The following DPY19L1 variants were observed in gnomAD, a reference collection of about 807,000 sequenced individuals.
DPY19L1 encodes dpy-19 like C-mannosyltransferase 1, also known as protein C-mannosyl-transferase DPY19L1.
In DPY19L1, 35 loss-of-function variants were observed where a neutral mutation model predicts 96.9. The observed-to-expected ratio is 0.36, with a 90% CI of 0.28 to 0.48. The LOEUF (loss-of-function observed/expected upper bound fraction) is 0.48. Ranked by LOEUF, DPY19L1 falls within the 20% of genes least tolerant of loss-of-function variation. The probability of loss-of-function intolerance (pLI) is 0.99; values close to 1 mark genes in which losing one functional copy is unlikely to be tolerated. For missense variants in DPY19L1, 521 were observed against 777.9 expected (o/e 0.67, Z 3.93); for synonymous variants, 205 against 252.6 (o/e 0.81, Z 1.79).
Position 34,940,164 on chromosome 7 carries a change from C to G in DPY19L1, c.1853G>C (p.Ser618Thr), listed in dbSNP as rs772396822. The G allele has an allele frequency of 2.6e-6, 4 of 1,515,334 alleles. No homozygotes were observed. In the Admixed American group the frequency reaches 8.4e-5, roughly 32 times the overall value. 93.9% of individuals were successfully genotyped at this position (1,515,334 alleles called of 1,614,324 possible). A position where few individuals can be genotyped will look rare whatever the true frequency, so the allele number is the denominator to read the frequency against. The part of the protein sequence containing the change: ...QEELIEWIKY[S>T]TKPDAVFAGA... Reference sequence around the variant, plus strand: ...TTTTTTTTTTTTACCTGGTTTAGTACTATATTTGATCCATTCTATAAGTTC... The same window carrying G: ...TTTTTTTTTTTTACCTGGTTTAGTAGTATATTTGATCCATTCTATAAGTTC... The change falls in exon 19 of 22, where the codon AGT becomes ACT. Residue 618 changes from serine to threonine, a missense_variant. Transcript: ENST00000638088.
chr7:34,970,754 G>A (rs932989010), intron 8 of DPY19L1, among the ~76,000 whole-genome samples: 3 of 151,280 alleles, frequency 2.0e-5, no homozygotes, highest in Non-Finnish European at 2.9e-5. Flanking sequence ...GGGGAGATAG[G>A]AGTGAACAGA....
chr7:35,023,833 C>CTTTTTTTTTTT (rs755619806), intron 1 of DPY19L1, among the ~76,000 whole-genome samples: 34 of 111,800 alleles, frequency 3.0e-4, no homozygotes, highest in Non-Finnish European at 4.1e-4. Context: ...CTTTTCTTTT[C>CTTTTTTTTTTT]TTTTTTTTTT....
At chr7:34,964,534 A>G (rs1784570501) in intron 10 of DPY19L1, among the ~76,000 whole-genome samples, 1 of 152,228 alleles carries the variant, frequency 6.6e-6, no homozygotes, top group Non-Finnish European at 1.5e-5. Flanking sequence ...ACATGCAAAA[A>G]TTGTGTTTAG....
At chr7:34,942,353 T>C (rs1016020692) in intron 17 of DPY19L1, among the ~76,000 whole-genome samples, 2 of 152,340 alleles carry the variant, frequency 1.3e-5, no homozygotes, top group African/African-American at 2.4e-5. Context: ...AGACACCTCA[T>C]ACATATGTCT....
At chr7:34,936,844 C>T (rs1323225553) in intron 21 of DPY19L1, among the ~76,000 whole-genome samples, 5 of 152,168 alleles carry the variant, frequency 3.3e-5, no homozygotes, top group African/African-American at 9.7e-5. Flanking sequence ...TTTTCACTCA[C>T]GACTCAGTAT....
intron 11 of DPY19L1, among the ~76,000 whole-genome samples, chr7:34,956,951 A>G (rs1784391453): frequency 6.6e-6 from 1 of 152,260 alleles, no homozygotes; most frequent in Non-Finnish European, 1.5e-5. Context: ...ACGACAGTGC[A>G]ATACGCTTTT....
intron 10 of DPY19L1, among the ~76,000 whole-genome samples, chr7:34,959,649 C>G (rs1362356019): frequency 1.3e-5 from 2 of 150,394 alleles, no homozygotes; most frequent in Admixed American, 1.3e-4. Flanking sequence ...TCACTCATAA[C>G]TGTCAGTTGA....
chr7:34,954,614 T>C (rs1784338329), intron 13 of DPY19L1, 84 bp downstream of exon 13: 1 of 715,890 alleles, frequency 1.4e-6, no homozygotes, highest in Middle Eastern at 3.0e-4. Flanking sequence ...TTTCATTTAA[T>C]AGTGATACTT....
chr7:34,956,940 T>C (rs1784391289), intron 11 of DPY19L1, among the ~76,000 whole-genome samples: 1 of 152,186 alleles, frequency 6.6e-6, no homozygotes, highest in Non-Finnish European at 1.5e-5. Flanking sequence ...ATATTCCAAT[T>C]ACGACAGTGC....
chr7:35,023,802 A>G (rs1786052002), intron 1 of DPY19L1, among the ~76,000 whole-genome samples: 1 of 146,392 alleles, frequency 6.8e-6, no homozygotes, highest in South Asian at 2.2e-4. Context: ...CAATATTTAT[A>G]TGAAGAAATA....
intron 13 of DPY19L1, among the ~76,000 whole-genome samples, chr7:34,952,486 T>C (rs2128785125): frequency 6.6e-6 from 1 of 152,280 alleles, no homozygotes; most frequent in East Asian, 1.9e-4. Context: ...ATACCAATTC[T>C]ACATAAAAAT....
intron 7 of DPY19L1, chr7:34,988,166 A>AT (rs984785577): frequency 3.9e-5 from 6 of 152,146 alleles, no homozygotes; most frequent in Non-Finnish European, 7.4e-5. Flanking sequence ...AAGACGAAGA[A>AT]TTAAAAACCA....
intron 18 of DPY19L1, among the ~76,000 whole-genome samples, 157 bp downstream of exon 18, chr7:34,941,608 T>C (rs1784017472): frequency 1.3e-5 from 2 of 152,216 alleles, no homozygotes; most frequent in South Asian, 4.1e-4. Context: ...TAGAAAATGA[T>C]CAGCTTTGGC....
At chr7:35,002,489 A>G (rs1471313961) in intron 6 of DPY19L1, among the ~76,000 whole-genome samples, 5 of 152,166 alleles carry the variant, frequency 3.3e-5, no homozygotes, top group Non-Finnish European at 7.4e-5. Flanking sequence ...AAAAGTTCTG[A>G]ATCAGAAAAC....
intron 3 of DPY19L1, among the ~76,000 whole-genome samples, chr7:35,017,017 A>T (rs1379491717): frequency 4.0e-5 from 6 of 149,470 alleles, no homozygotes; most frequent in African/African-American, 4.9e-5. Flanking sequence ...TTTTTTTTTT[A>T]AAGTGCCAAA....
upstream of DPY19L1, chr7:35,037,564 G>A (rs956613855): frequency 5.0e-5 from 15 of 302,998 alleles, no homozygotes; most frequent in Non-Finnish European, 8.5e-5. Context: ...GTGGAGGCCG[G>A]GCGGCTGCTG....
chr7:34,997,436 CAAAAA>C lies in DPY19L1; in HGVS notation c.765-7500_765-7496del, dbSNP rs397836742. On this transcript the variant is annotated intron_variant, in intron 6 of 21. Transcript: ENST00000638088. ...TGAAACCCCGTCTCTACTAAAAATA[CAAAAA>C]AAAAAAAAAAAAAAAAAAATTAGCT... Among the ~76,000 whole-genome samples the C allele has an allele frequency of 1.1e-4, 10 of 91,936 alleles. 1 individual carries two copies. The highest frequency in any genetic ancestry group is 5.9e-4 in the Admixed American group (5 of 8,454). The allele number at this position is 91,936 out of a possible 152,430, so 60.3% of individuals were successfully genotyped here. A position where few individuals can be genotyped will look rare whatever the true frequency, so the allele number is the denominator to read the frequency against.
Position 34,977,381 on chromosome 7 carries a change from A to G in DPY19L1, c.823-3776T>C, listed in dbSNP as rs778450727. ...ACATTTGTTACCCACATTCAATGACATTATCATTTCTCCAAAATTCGTTGC... is the reference window on the plus strand; with the variant it reads ...ACATTTGTTACCCACATTCAATGACGTTATCATTTCTCCAAAATTCGTTGC... On this transcript the variant is annotated intron_variant, in intron 7 of 21. Coordinates refer to ENST00000638088, the MANE Select transcript of DPY19L1 (RefSeq NM_001366673.1). 7.2e-5 allele frequency among the ~76,000 whole-genome samples: 11 copies of G among 152,180 alleles called. 1 individual carries two copies. The highest frequency in any genetic ancestry group is 1.6e-4 in the Non-Finnish European group (11 of 68,038).
Position 34,973,600 on chromosome 7 carries a change from G to A in DPY19L1, c.828C>T (p.Thr276=). The change falls in exon 8 of 22, where the codon ACC becomes ACT. Residue 276 remains threonine, a synonymous_variant. Transcript: ENST00000638088. ...LCFFFNHGEC[T]RVMWTPPLRE... The stretch of plus-strand genomic sequence containing the variant: ...GGAGAGGTGGTGTCCACATTACACG[G>A]GTACACTGAAAAAAAAAATTTGTAG... 6.9e-7 allele frequency: 1 copy of A among 1,445,752 alleles called. No individual in the cohort carries two copies. Among genetic ancestry groups the A allele is most frequent in the Admixed American group, 2.5e-5 (1 of 40,764 alleles). 89.6% of individuals were successfully genotyped at this position (1,445,752 alleles called of 1,614,324 possible). A position where few individuals can be genotyped will look rare whatever the true frequency, so the allele number is the denominator to read the frequency against.
Sources: gnomAD v4.1 joint callset for allele counts (sites outside exome capture counted in the v4.1 genomes callset) on GRCh38, gnomAD v4.1.1 for gene constraint, MANE v1.5 for transcripts, NCBI Gene and HGNC (gene_info 2026-07-23, HGNC 2026-07-21) for gene names.